The following MDGA2 variants were observed in gnomAD, a reference collection of about 807,000 sequenced individuals.
The protein encoded by MDGA2 is MAM domain-containing glycosylphosphatidylinositol anchor protein 2.
In MDGA2, 40 loss-of-function variants were observed where a neutral mutation model predicts 117.8. That is an observed-to-expected ratio of 0.34 (90% confidence interval 0.26 to 0.44). The LOEUF is 0.44. Among genes scored for constraint, MDGA2 ranks in the 20% least tolerant of loss-of-function variants. MDGA2 has a pLI of 1.00. For missense variants in MDGA2, 1,123 were observed against 1,250.6 expected (o/e 0.90, Z 1.54); for synonymous variants, 452 against 439.0 (o/e 1.03, Z -0.37).
intron 2 of MDGA2, among the ~76,000 whole-genome samples, chr14:47,225,930 C>T (rs948330278): frequency 6.6e-6 from 1 of 151,978 alleles, no homozygotes; most frequent in Non-Finnish European, 1.5e-5. Flanking sequence ...ACTACTACTA[C>T]TAAGATGCAA....
chr14:47,111,272 C>T (rs538916314), intron 5 of MDGA2, among the ~76,000 whole-genome samples: 1 of 152,170 alleles, frequency 6.6e-6, no homozygotes, highest in East Asian at 1.9e-4. Context: ...GGGAATCTGG[C>T]TTAAGATGAA....
Position 47,441,636 on chromosome 14 carries a change from G to C in MDGA2, c.281-140086C>G, listed in dbSNP as rs918343241. On this transcript the variant is annotated intron_variant, in intron 1 of 16. Coordinates refer to ENST00000399232, the MANE Select transcript of MDGA2 (RefSeq NM_001113498.3). ...AGCCATATAGACTCCCTTTCCTCAT[G>C]GAATTGACAGTTTTTTGAAAATCAG... Among the ~76,000 whole-genome samples the C allele has an allele frequency of 7.2e-5, 11 of 152,020 alleles. No individual in the cohort carries two copies. In the South Asian group the frequency reaches 1.4e-3, roughly 20 times the overall value.
intron 14 of MDGA2, among the ~76,000 whole-genome samples, chr14:46,869,846 G>A (rs1881927826): frequency 6.6e-6 from 1 of 151,952 alleles, no homozygotes. Context: ...TCCACATGGT[G>A]AGGAATTGAG....
chr14:47,573,384 T>A (rs999596626), intron 1 of MDGA2, among the ~76,000 whole-genome samples: 1 of 152,288 alleles, frequency 6.6e-6, no homozygotes, highest in East Asian at 1.9e-4. Context: ...CACATTATAA[T>A]CTTTTGGATA....
In MDGA2 at chr14:47,062,513, T is replaced by A. The variant is rs542839784; in HGVS notation, c.1196-935A>T. Among the ~76,000 whole-genome samples the A allele has an allele frequency of 4.2e-3, 611 of 144,410 alleles. 5 individuals carry two copies. The highest frequency in any genetic ancestry group is 0.014 in the African/African-American group (569 of 39,488). The allele number at this position is 144,410 out of a possible 152,430, so 94.7% of individuals were successfully genotyped here. On this transcript the variant is annotated intron_variant, in intron 6 of 16. Coordinates refer to ENST00000399232, the MANE Select transcript of MDGA2 (RefSeq NM_001113498.3). ...CACAGATTTTTCTTTTTTTTTTTTT[T>A]CATCATCTTCCCCATTTCCCTCTCC...
At chr14:47,494,193 C>G (rs922547826) in intron 1 of MDGA2, among the ~76,000 whole-genome samples, 1 of 152,170 alleles carries the variant, frequency 6.6e-6, no homozygotes, top group Admixed American at 6.6e-5. Flanking sequence ...AATTAAACCT[C>G]TTTGCTTTAT....
chr14:47,223,870 C>A (rs539399087), intron 2 of MDGA2, among the ~76,000 whole-genome samples: 3 of 152,188 alleles, frequency 2.0e-5, no homozygotes, highest in South Asian at 2.1e-4. Flanking sequence ...CAAAAACATC[C>A]TTTTTCACAT....
At chr14:47,391,204 A>T (rs557781026) in intron 1 of MDGA2, among the ~76,000 whole-genome samples, 1 of 152,182 alleles carries the variant, frequency 6.6e-6, no homozygotes, top group South Asian at 2.1e-4. Flanking sequence ...TTTCAGTGCA[A>T]ACTCTGCTGT....
Position 47,173,989 on chromosome 14 carries a change from G to C in MDGA2, c.596-29715C>G, listed in dbSNP as rs375109112. 2.9e-4 allele frequency among the ~76,000 whole-genome samples: 44 copies of C among 152,052 alleles called. No individual in the cohort carries two copies. In the East Asian group the frequency reaches 3.3e-3, roughly 11 times the overall value. On this transcript the variant is annotated intron_variant, in intron 3 of 16. Coordinates refer to ENST00000399232, the MANE Select transcript of MDGA2 (RefSeq NM_001113498.3). ...AAATGGAAAACAAAAAAAGGCATGG[G>C]TTGCAATACTAGTCTCTGATAAAAC...
At chr14:46,927,470 G>A (rs1884375515) in intron 9 of MDGA2, among the ~76,000 whole-genome samples, 1 of 152,060 alleles carries the variant, frequency 6.6e-6, no homozygotes, top group Admixed American at 6.6e-5. Flanking sequence ...TTGGAATTAA[G>A]ATGAATGTCA....
chr14:47,655,779 T>A (rs1453603998), intron 1 of MDGA2, among the ~76,000 whole-genome samples: 1 of 152,134 alleles, frequency 6.6e-6, no homozygotes, highest in East Asian at 1.9e-4. Flanking sequence ...TCTGACCTAT[T>A]TACCAGTGCC....
intron 1 of MDGA2, among the ~76,000 whole-genome samples, chr14:47,580,263 T>C (rs1896205169): frequency 6.6e-6 from 1 of 152,044 alleles, no homozygotes; most frequent in South Asian, 2.1e-4. Context: ...TTCAGTGTCT[T>C]GTGAGGGCCC....
At chr14:47,654,252 T>C (rs533223985) in intron 1 of MDGA2, among the ~76,000 whole-genome samples, 23 of 152,212 alleles carry the variant, frequency 1.5e-4, no homozygotes, top group African/African-American at 5.5e-4. Flanking sequence ...TAAAGAGCCC[T>C]AGAGATAACA....
chr14:46,998,774 G>T (rs865833405), intron 8 of MDGA2, among the ~76,000 whole-genome samples: 4 of 152,158 alleles, frequency 2.6e-5, no homozygotes, highest in Middle Eastern at 3.4e-3. Context: ...ATATGTGTAT[G>T]ATTTTATTTA....
intron 1 of MDGA2, among the ~76,000 whole-genome samples, chr14:47,605,549 CA>C (rs1348792277): frequency 6.6e-6 from 1 of 151,934 alleles, no homozygotes; most frequent in Non-Finnish European, 1.5e-5. Flanking sequence ...TGGAGAAAAT[CA>C]CATCAAATCA....
At chr14:47,529,061 C>T (rs1044735443) in intron 1 of MDGA2, among the ~76,000 whole-genome samples, 3 of 151,120 alleles carry the variant, frequency 2.0e-5, no homozygotes, top group Non-Finnish European at 2.9e-5. Context: ...TGCAGTGGCA[C>T]GATCTGGGCT....
At chr14:47,595,840 G>A (rs2138868006) in intron 1 of MDGA2, among the ~76,000 whole-genome samples, 1 of 152,234 alleles carries the variant, frequency 6.6e-6, no homozygotes, top group Non-Finnish European at 1.5e-5. Context: ...AGTTTTCAAA[G>A]CCCCAAGTAA....
At chr14:47,176,262 G>A (rs1884440540) in intron 3 of MDGA2, among the ~76,000 whole-genome samples, 1 of 152,062 alleles carries the variant, frequency 6.6e-6, no homozygotes, top group Middle Eastern at 3.2e-3. Flanking sequence ...TCCCCATCAA[G>A]CTACCAATGC....
chr14:47,496,199 A>G (rs1431717731), intron 1 of MDGA2, among the ~76,000 whole-genome samples: 1 of 152,164 alleles, frequency 6.6e-6, no homozygotes. Context: ...AAGCAGGTGG[A>G]AGAAGGAAAA....
Sources: gnomAD v4.1 joint callset for allele counts (sites outside exome capture counted in the v4.1 genomes callset) on GRCh38, gnomAD v4.1.1 for gene constraint, MANE v1.5 for transcripts, NCBI Gene and HGNC (gene_info 2026-07-23, HGNC 2026-07-21) for gene names.